TNXB: variants seen among roughly 807,000 people sequenced by gnomAD.
TNXB encodes tenascin XB, also known as tenascin-X.
In TNXB, 183 loss-of-function variants were observed where a neutral mutation model predicts 340.5. That is an observed-to-expected ratio of 0.54 (90% CI 0.48 to 0.61). The LOEUF (loss-of-function observed/expected upper bound fraction) is 0.61, where lower values mean the gene tolerates loss of function less well. Among genes scored for constraint, TNXB ranks in the 20% least tolerant of loss-of-function variants. The pLI, the probability that TNXB is intolerant of heterozygous loss-of-function variation, is 0.00. For missense variants in TNXB, 4,613 were observed against 5,446.4 expected (o/e 0.85, Z 4.82); for synonymous variants, 2,121 against 2,314.5 (o/e 0.92, Z 2.40).
In TNXB at chr6:32,083,535, C is replaced by T. The variant is rs909948838; in HGVS notation, c.3445+878G>A. Among the ~76,000 whole-genome samples, 3 of 152,206 alleles carry T rather than the reference C, an allele frequency of 2.0e-5. No individual in the cohort carries two copies. The highest frequency in any genetic ancestry group is 6.5e-5 in the Admixed American group (1 of 15,276). On this transcript the variant is annotated intron_variant, in intron 8 of 43. Transcript: ENST00000644971. This position sits in a 1 kb window ranked among gnomAD's most constrained non-coding sequence, Gnocchi z 4.6. ...TGTTCCCCACCTCTGCTGCTCCCTG[C>T]CTCAGGGAATGGGACTGTCTCATCC...
At chr6:32,103,807 T>C (rs902709745) in intron 1 of TNXB, among the ~76,000 whole-genome samples, 2 of 148,720 alleles carry the variant, frequency 1.3e-5, no homozygotes, top group African/African-American at 5.0e-5. Context: ...CTTGGCTCAA[T>C]GCAACCTCTG....
Position 32,089,105 on chromosome 6 carries a change from T to A in TNXB, c.2516-57A>T. On this transcript the variant is annotated intron_variant, in intron 5 of 43. Transcript: ENST00000644971. This position sits in a 1 kb window ranked among gnomAD's most constrained non-coding sequence, Gnocchi z 6.2. ...GTGTCTGGTTCTTCAATCATCATCTTTCCTTCCAAGAGCCTAGCCCCCATC... is the reference window on the plus strand; with the variant it reads ...GTGTCTGGTTCTTCAATCATCATCTATCCTTCCAAGAGCCTAGCCCCCATC... 6.3e-7 allele frequency: 1 copy of A among 1,589,994 alleles called. No individual in the cohort carries two copies. Among genetic ancestry groups the A allele is most frequent in the East Asian group, 2.2e-5 (1 of 44,524 alleles).
Position 32,084,835 on chromosome 6 carries a change from C to T in TNXB, c.3149-126G>A. 2.5e-6 allele frequency: 2 copies of T among 786,034 alleles called. No individual in the cohort carries two copies. The highest frequency in any genetic ancestry group is 3.7e-6 in the Non-Finnish European group (2 of 534,936). 48.7% of individuals were successfully genotyped at this position (786,034 alleles called of 1,614,324 possible). A position where few individuals can be genotyped will look rare whatever the true frequency, so the allele number is the denominator to read the frequency against. ...ATCCCTCCCCGGAAGACTCTATCTG[C>T]CCACCCCTCAGTGACTAGCTCTTCT... On this transcript the variant is annotated intron_variant, in intron 7 of 43. Coordinates refer to ENST00000644971, the MANE Select transcript of TNXB (RefSeq NM_001365276.2). This position sits in a 1 kb window ranked among gnomAD's most constrained non-coding sequence, Gnocchi z 5.5.
Position 32,097,456 on chromosome 6 carries a change from T to C in TNXB, c.404-7A>G. 6.3e-7 allele frequency: 1 copy of C among 1,583,502 alleles called. No homozygotes were observed. The highest frequency in any genetic ancestry group is 8.6e-7 in the Non-Finnish European group (1 of 1,167,440). On this transcript the variant is annotated splice_region_variant and splice_polypyrimidine_tract_variant and intron_variant, in intron 2 of 43. Coordinates refer to ENST00000644971, the MANE Select transcript of TNXB (RefSeq NM_001365276.2). This position sits in a 1 kb window ranked among gnomAD's most constrained non-coding sequence, Gnocchi z 5.9. ...GTCCGCACATCTGTCTGACCTGGAGTAGGAGGGGAGAGGCAAGTCTCAGTC... is the reference window on the plus strand; with the variant it reads ...GTCCGCACATCTGTCTGACCTGGAGCAGGAGGGGAGAGGCAAGTCTCAGTC...
chr6:32,048,114 G>A (rs1277383936), intron 29 of TNXB, 102 bp from the exon 30 acceptor site: 1 of 1,389,778 alleles, frequency 7.2e-7, no homozygotes, highest in Non-Finnish European at 9.8e-7. Context: ...AGGAACGGGA[G>A]GGTGACTGGG....
chr6:32,096,485 GT>G lies in TNXB; in HGVS notation c.1367del (p.Tyr456SerfsTer115), dbSNP rs780191705. On this transcript the variant is annotated frameshift_variant, in exon 3 of 44. Transcript: ENST00000644971. LOFTEE classifies it high-confidence loss of function. ...TGCGCACACCGCAGTCCTCGCCGCTGTAGCCCGCATTGCAAACACACACGCC... is the reference window on the plus strand; with the variant it reads ...TGCGCACACCGCAGTCCTCGCCGCTGAGCCCGCATTGCAAACACACACGCC... ...ENGVCVCNAGYSGEDCGVRSC... is the reference protein window; with the variant it reads ...ENGVCVCNAGXSGEDCGVRSC... The G allele has an allele frequency of 6.2e-7, 1 of 1,600,704 alleles. No individual in the cohort carries two copies. The highest frequency in any genetic ancestry group is 8.5e-7 in the Non-Finnish European group (1 of 1,179,288).
Position 32,067,952 on chromosome 6 carries a change from G to C in TNXB, c.6253C>G (p.Pro2085Ala). The change falls in exon 18 of 44, where the codon CCC becomes GCC. Residue 2085 changes from proline (P) to alanine (A), a missense_variant. Pro to Ala is a conservative substitution (Grantham distance 27, BLOSUM62 -1). This residue lies in a region of TNXB where 4,327 missense variants were observed against 4,859.4 expected (regional missense o/e 0.89). Transcript: ENST00000644971. This position sits in a 1 kb window ranked among gnomAD's most constrained non-coding sequence, Gnocchi z 4.2. ...AEEETPSPTE[P>A]SMEAPEPAEE... ...GCGGGCTCCGGGGCCTCCATGCTGG[G>C]TTCTGTGGGGCTGGGGGTCTCTTCC... 1.2e-6 allele frequency: 2 copies of C among 1,612,326 alleles called. No individual in the cohort carries two copies. The highest frequency in any genetic ancestry group is 1.7e-6 in the Non-Finnish European group (2 of 1,179,668).
rs1780438871 is a variant in TNXB at position 32,096,998 on chromosome 6, A to G, written c.855T>C (p.Ser285=). 3 of 1,604,390 alleles carry G rather than the reference A, an allele frequency of 1.9e-6. No individual in the cohort carries two copies. The highest frequency in any genetic ancestry group is 1.7e-6 in the Non-Finnish European group (2 of 1,177,080). ...GCCCATTCTCACAGCGCCCCCTCTGACTGCAACCGCGAGGGCAGCTCCTCA... is the reference window on the plus strand; with the variant it reads ...GCCCATTCTCACAGCGCCCCCTCTGGCTGCAACCGCGAGGGCAGCTCCTCA... The part of the protein sequence containing the change: ...CGMRSCPRGC[S]QRGRCENGRC... Residue 285 remains serine (S), a synonymous_variant, in exon 3 of 44, where the codon AGT becomes AGC. Transcript: ENST00000644971.
intron 25 of TNXB, 123 bp from the exon 26 acceptor site, chr6:32,053,116 T>C (rs1777398428): frequency 8.6e-7 from 1 of 1,162,268 alleles, no homozygotes; most frequent in Non-Finnish European, 1.2e-6. Flanking sequence ...GAGAGGCCCA[T>C]CTTTGGAGCT....
intron 4 of TNXB, chr6:32,093,297 A>G (rs1284563880): frequency 1.5e-6 from 1 of 678,134 alleles, no homozygotes; most frequent in South Asian, 1.5e-5. Context: ...TAGTTGCCAA[A>G]TTCTTGTCTC....
chr6:32,043,931 C>T (rs763429682), intron 34 of TNXB, 39 bp from the exon 35 acceptor site: 6 of 1,613,018 alleles, frequency 3.7e-6, no homozygotes, highest in Non-Finnish European at 5.1e-6. Context: ...CAGGGAACCC[C>T]AGGGCAGCTG....
chr6:32,069,971 T>C lies in TNXB; in HGVS notation c.5279-110A>G, dbSNP rs531957352. 2.2e-6 allele frequency: 3 copies of C among 1,377,772 alleles called. No individual in the cohort carries two copies. Among genetic ancestry groups the C allele is most frequent in the South Asian group, 3.0e-5 (2 of 66,826 alleles). The allele number at this position is 1,377,772 out of a possible 1,614,324, so 85.3% of individuals were successfully genotyped here. ...GACAGGGCTTTGCGTGGCTGAGTCCTGCCGGGCTGTGCTAGGGGCTTGTGC... is the reference window on the plus strand; with the variant it reads ...GACAGGGCTTTGCGTGGCTGAGTCCCGCCGGGCTGTGCTAGGGGCTTGTGC... On this transcript the variant is annotated intron_variant, in intron 14 of 43. Coordinates refer to ENST00000644971, the MANE Select transcript of TNXB (RefSeq NM_001365276.2). The surrounding 1 kb of genome is among the most constrained non-coding windows in gnomAD (Gnocchi z 6.2).
intron 26 of TNXB, 111 bp from the exon 27 acceptor site, chr6:32,050,432 G>C (rs761281108): frequency 2.7e-5 from 37 of 1,363,446 alleles, no homozygotes; most frequent in African/African-American, 8.6e-5. Context: ...TGCCCACAGC[G>C]CCTCCAGCAC....
At chr6:32,066,537 C>A (rs1778349107) in intron 18 of TNXB, among the ~76,000 whole-genome samples, 1 of 152,212 alleles carries the variant, frequency 6.6e-6, no homozygotes. Context: ...TGTTTGAGTC[C>A]ATTTATACGA....
Position 32,089,137 on chromosome 6 carries a change from C to T in TNXB, c.2515+86G>A, listed in dbSNP as rs1562865442. On this transcript the variant is annotated intron_variant, in intron 5 of 43. Coordinates refer to ENST00000644971, the MANE Select transcript of TNXB (RefSeq NM_001365276.2). The surrounding 1 kb of genome is among the most constrained non-coding windows in gnomAD (Gnocchi z 6.2). ...CAAGAGCCTAGCCCCCATCCAGCCC[C>T]TTCCTTCTGCCCTCCCGGAGGGCAG... is the stretch of plus-strand genomic sequence containing the variant. 3.8e-6 allele frequency: 6 copies of T among 1,571,314 alleles called. No individual in the cohort carries two copies. In the East Asian group the frequency reaches 6.8e-5, roughly 18 times the overall value.
chr6:32,091,256 A>T (rs1474921049), intron 4 of TNXB, among the ~76,000 whole-genome samples: 3 of 152,012 alleles, frequency 2.0e-5, no homozygotes. Context: ...GATTACAGGC[A>T]TGCGCCACCA....
rs1779991746 is a variant in TNXB at position 32,089,668 on chromosome 6, A to G, written c.2359-289T>C. On this transcript the variant is annotated intron_variant, in intron 4 of 43. Coordinates refer to ENST00000644971, the MANE Select transcript of TNXB (RefSeq NM_001365276.2). The surrounding 1 kb of genome is among the most constrained non-coding windows in gnomAD (Gnocchi z 6.2). ...GAAACTGAGACACAGAAGGACAAGTATCTTGCCAACGTCACCAACACCAAG... is the reference window on the plus strand; with the variant it reads ...GAAACTGAGACACAGAAGGACAAGTGTCTTGCCAACGTCACCAACACCAAG... Among the ~76,000 whole-genome samples the G allele has an allele frequency of 6.6e-6, 1 of 152,216 alleles. No individual in the cohort carries two copies. The highest frequency in any genetic ancestry group is 6.5e-5 in the Admixed American group (1 of 15,288).
chr6:32,076,395 G>C (rs9380277), intron 11 of TNXB, among the ~76,000 whole-genome samples: 1,598 of 152,316 alleles, frequency 0.01, 30 homozygotes, highest in African/African-American at 0.036. Flanking sequence ...GCGGACTCCA[G>C]CTGCTTCGTC....
At position 32,042,624 on chromosome 6, in the gene TNXB, G is replaced by A. The variant is rs1776516208; in HGVS notation, c.12059-18C>T. 2 of 1,528,368 alleles carry A rather than the reference G, an allele frequency of 1.3e-6. No homozygotes were observed. The highest frequency in any genetic ancestry group is 1.8e-6 in the Non-Finnish European group (2 of 1,130,150). 94.7% of individuals were successfully genotyped at this position (1,528,368 alleles called of 1,614,324 possible). On this transcript the variant is annotated intron_variant, in intron 39 of 43. Transcript: ENST00000644971. ...CAGCCCACCTGGGAGAGGAGAGCAG[G>A]GGCCAGTCCTTTTCCAAGCCTTAGG...
Sources: allele counts gnomAD v4.1 joint callset (sites outside exome capture counted in the v4.1 genomes callset), GRCh38; gene constraint gnomAD v4.1.1; regional missense constraint gnomAD v4.1.1; non-coding constraint Gnocchi (gnomAD v3.1); transcripts MANE v1.5; gene names NCBI Gene and HGNC (gene_info 2026-07-23, HGNC 2026-07-21).